YPEL2: variants seen among roughly 807,000 people sequenced by gnomAD.
YPEL2 encodes the protein yippee like 2.
A neutral mutation model predicts 19.1 loss-of-function variants in YPEL2; 2 were observed. The ratio of observed to expected loss-of-function variants is 0.10; its 90% CI spans 0.04 to 0.33. The LOEUF (loss-of-function observed/expected upper bound fraction) is 0.33, where lower values mean the gene tolerates loss of function less well. YPEL2 is among the 10% of genes least tolerant of loss of function. YPEL2 has a pLI of 1.00. For synonymous variants in YPEL2, 52 were observed against 50.0 expected (o/e 1.04, Z -0.17); for missense variants, 66 against 140.7 (o/e 0.47, Z 2.68).
intron 2 of YPEL2, among the ~76,000 whole-genome samples, chr17:59,370,661 G>C (rs9913367): frequency 0.66 from 99,545 of 151,908 alleles, 34,256 homozygotes; most frequent in African/African-American, 0.87. Context: ...GTCTTACACT[G>C]GGACCAAACA....
intron 1 of YPEL2, among the ~76,000 whole-genome samples, chr17:59,334,571 AACACACACACACAC>A (rs35386954): frequency 3.4e-5 from 5 of 145,122 alleles, no homozygotes; most frequent in South Asian, 2.2e-4. Flanking sequence ...TTCAGGCACA[AACACACACACACAC>A]ACACACACAC....
At chr17:59,341,411 C>T (rs566169583) in intron 1 of YPEL2, among the ~76,000 whole-genome samples, 102 of 151,562 alleles carry the variant, frequency 6.7e-4, no homozygotes, top group African/African-American at 2.2e-3. Context: ...AGGCCAGGCG[C>T]GGTGACTCAT....
chr17:59,384,661 T>C (rs1047937057), intron 2 of YPEL2, among the ~76,000 whole-genome samples: 1 of 152,168 alleles, frequency 6.6e-6, no homozygotes, highest in Non-Finnish European at 1.5e-5. Flanking sequence ...TTTTTAAAGA[T>C]AAAATGTATA....
chr17:59,395,059 G>A (rs915023468), intron 4 of YPEL2, among the ~76,000 whole-genome samples: 4 of 152,228 alleles, frequency 2.6e-5, no homozygotes, highest in Non-Finnish European at 4.4e-5. Context: ...GCTTCGGCTC[G>A]GCATCAGAGG....
intron 2 of YPEL2, among the ~76,000 whole-genome samples, chr17:59,358,020 G>A (rs1433159822): frequency 6.6e-6 from 1 of 152,140 alleles, no homozygotes; most frequent in East Asian, 1.9e-4. Flanking sequence ...ATTATCTTCT[G>A]GTGACAAATA....
intron 2 of YPEL2, among the ~76,000 whole-genome samples, chr17:59,383,888 AT>A: frequency 1.3e-5 from 2 of 151,964 alleles, no homozygotes; most frequent in Middle Eastern, 6.8e-3. Context: ...TAGTATATGG[AT>A]ATACCAATCT....
chr17:59,345,153 G>A (rs2047749801), intron 1 of YPEL2: 1 of 152,240 alleles, frequency 6.6e-6, no homozygotes, highest in Non-Finnish European at 1.5e-5. Context: ...TCCTGAGGCA[G>A]GATTCGGCAG....
chr17:59,374,542 C>A (rs1018790085), intron 2 of YPEL2, among the ~76,000 whole-genome samples: 28 of 152,184 alleles, frequency 1.8e-4, no homozygotes, highest in African/African-American at 6.5e-4. Flanking sequence ...CAGGGACAGT[C>A]ACAATGTACT....
intron 1 of YPEL2, among the ~76,000 whole-genome samples, chr17:59,340,212 G>A (rs1051891729): frequency 4.6e-5 from 7 of 151,108 alleles, no homozygotes; most frequent in South Asian, 2.1e-4. Flanking sequence ...AGGTTCAAGC[G>A]ATCGTCCTGC....
intron 2 of YPEL2, among the ~76,000 whole-genome samples, chr17:59,370,350 A>G (rs1318105865): frequency 6.6e-6 from 1 of 152,218 alleles, no homozygotes; most frequent in Non-Finnish European, 1.5e-5. Flanking sequence ...GGTGGGAGCC[A>G]CTGCGCCCAG....
In YPEL2 at chr17:59,398,027, A is replaced by G. The variant is rs1253319884; in HGVS notation, c.*837A>G. 1.3e-5 allele frequency: 2 copies of G among 152,276 alleles called. No homozygotes were observed. The highest frequency in any genetic ancestry group is 2.9e-5 in the Non-Finnish European group (2 of 68,082). 9.4% of individuals were successfully genotyped at this position (152,276 alleles called of 1,614,324 possible). On this transcript the variant is annotated 3_prime_UTR_variant, in exon 5 of 5. Transcript: ENST00000312655. Reference sequence around the variant, plus strand: ...AATATCCCAAAGGCTTTGACCAGCAACCAAGTAAAATCAGTAATTGAGGAG... The same window carrying G: ...AATATCCCAAAGGCTTTGACCAGCAGCCAAGTAAAATCAGTAATTGAGGAG...
At chr17:59,361,278 A>G (rs1486097745) in intron 2 of YPEL2, among the ~76,000 whole-genome samples, 1 of 152,168 alleles carries the variant, frequency 6.6e-6, no homozygotes, top group African/African-American at 2.4e-5. Flanking sequence ...TCTTTGCACA[A>G]ATACTAATTA....
intron 2 of YPEL2, among the ~76,000 whole-genome samples, chr17:59,376,120 A>T (rs1457086373): frequency 6.6e-6 from 1 of 152,200 alleles, no homozygotes; most frequent in Non-Finnish European, 1.5e-5. Flanking sequence ...TCTTTTTAGG[A>T]AGTCATTGGG....
chr17:59,365,039 C>A (rs982202385), intron 2 of YPEL2, among the ~76,000 whole-genome samples: 2 of 152,174 alleles, frequency 1.3e-5, no homozygotes, highest in African/African-American at 4.8e-5. Flanking sequence ...GAAGTTCTTA[C>A]CACAGGGCCT....
In YPEL2 at chr17:59,398,723, C is replaced by T. The variant is rs150484544; in HGVS notation, c.*1533C>T. On this transcript the variant is annotated 3_prime_UTR_variant, in exon 5 of 5. Coordinates refer to ENST00000312655, the MANE Select transcript of YPEL2 (RefSeq NM_001005404.4). ...GACTGAATATATTATTGTTAAGATA[C>T]GTGTGCGTGTTAGGTAATTCTCAGC... The T allele has an allele frequency of 2.0e-5, 3 of 152,218 alleles. No individual in the cohort carries two copies. Among genetic ancestry groups the T allele is most frequent in the African/African-American group, 4.8e-5 (2 of 41,520 alleles). The allele number at this position is 152,218 out of a possible 1,614,324, so 9.4% of individuals were successfully genotyped here. A position where few individuals can be genotyped will look rare whatever the true frequency, so the allele number is the denominator to read the frequency against.
chr17:59,400,776 T>C lies in YPEL2; in HGVS notation c.*3586T>C, dbSNP rs2048067143. On this transcript the variant is annotated 3_prime_UTR_variant, in exon 5 of 5. Coordinates refer to ENST00000312655, the MANE Select transcript of YPEL2 (RefSeq NM_001005404.4). ...CACGTGTGTAAAAAGCACTTTCGATTGTGCCTCCTGTTTTCTCGAGTGGGG... is the reference window on the plus strand; with the variant it reads ...CACGTGTGTAAAAAGCACTTTCGATCGTGCCTCCTGTTTTCTCGAGTGGGG... 6.5e-6 allele frequency: 1 copy of C among 152,688 alleles called. No individual in the cohort carries two copies. Among genetic ancestry groups the C allele is most frequent in the African/African-American group, 2.4e-5 (1 of 41,472 alleles). The allele number at this position is 152,688 out of a possible 1,614,324, so 9.5% of individuals were successfully genotyped here. A position where few individuals can be genotyped will look rare whatever the true frequency, so the allele number is the denominator to read the frequency against.
chr17:59,352,196 T>A (rs1437550329), intron 1 of YPEL2, among the ~76,000 whole-genome samples: 1 of 152,232 alleles, frequency 6.6e-6, no homozygotes, highest in Non-Finnish European at 1.5e-5. Flanking sequence ...TAACACTGCC[T>A]GCTCTCCTGG....
intron 2 of YPEL2, among the ~76,000 whole-genome samples, chr17:59,379,573 T>C (rs1316993542): frequency 6.6e-6 from 1 of 152,066 alleles, no homozygotes; most frequent in Non-Finnish European, 1.5e-5. Context: ...AGACCGACAG[T>C]AGATTTATGG....
intron 2 of YPEL2, among the ~76,000 whole-genome samples, chr17:59,366,479 GAAGTGCCTT>G (rs1343078449): frequency 6.6e-6 from 1 of 152,202 alleles, no homozygotes; most frequent in Non-Finnish European, 1.5e-5. Flanking sequence ...ATGAGAGGCT[GAAGTGCCTT>G]TTGTTTCCCT....
Sources: allele counts gnomAD v4.1 joint callset (sites outside exome capture counted in the v4.1 genomes callset), GRCh38; gene constraint gnomAD v4.1.1; transcripts MANE v1.5; gene names NCBI Gene and HGNC (gene_info 2026-07-23, HGNC 2026-07-21).